Variants in CCDC91 observed in about 807,000 individuals in gnomAD.
The protein encoded by CCDC91 is coiled-coil domain-containing protein 91.
Under a neutral mutation model 63.2 loss-of-function variants are expected in CCDC91, and 48 were observed. That is an observed-to-expected ratio of 0.76 (90% CI 0.60 to 0.97). The LOEUF is 0.97. Among genes scored for constraint, CCDC91 ranks in the 50% least tolerant of loss-of-function variants. CCDC91 has a pLI of 0.00. For missense variants in CCDC91, 500 were observed against 494.6 expected (o/e 1.01, Z -0.10); for synonymous variants, 167 against 165.8 (o/e 1.01, Z -0.06).
intron 3 of CCDC91, among the ~76,000 whole-genome samples, chr12:28,276,405 C>T (rs184238354): frequency 1.3e-5 from 2 of 152,020 alleles, no homozygotes; most frequent in Non-Finnish European, 2.9e-5. Flanking sequence ...GTGAAATAAA[C>T]AGGCAATCAT....
chr12:28,505,448 A>G (rs1308941428), intron 12 of CCDC91: 2 of 151,956 alleles, frequency 1.3e-5, no homozygotes, highest in African/African-American at 4.8e-5. Flanking sequence ...TCGGAAGCTA[A>G]GGAGGGTCGG....
intron 6 of CCDC91, among the ~76,000 whole-genome samples, chr12:28,325,911 A>G (rs1940951647): frequency 6.6e-6 from 1 of 152,226 alleles, no homozygotes; most frequent in Admixed American, 6.5e-5. Context: ...TAATCAAATT[A>G]TGTTTAAACA....
chr12:28,196,086 CAG>C (rs949694128), intron 1 of CCDC91, among the ~76,000 whole-genome samples: 3 of 152,222 alleles, frequency 2.0e-5, no homozygotes, highest in African/African-American at 4.8e-5. Context: ...GCCTCTGCAA[CAG>C]AGAGAGCCTC....
chr12:28,459,919 C>T (rs1191787135), intron 11 of CCDC91, among the ~76,000 whole-genome samples: 1 of 152,110 alleles, frequency 6.6e-6, no homozygotes, highest in Non-Finnish European at 1.5e-5. Context: ...GCATCTATTC[C>T]TCTGTTCCCA....
In CCDC91 at chr12:28,506,827, A is replaced by G. The variant is rs149011535; in HGVS notation, c.1215+22662A>G. Among the ~76,000 whole-genome samples, 11 of 151,814 alleles carry G rather than the reference A, an allele frequency of 7.2e-5. No individual in the cohort carries two copies. The East Asian group carries it at 2.2e-3, about 30-fold the overall frequency. Reference sequence around the variant, plus strand: ...TTGACAGAGCTGTGTATTAGCATTGATGATAATATTTACTGAATCTGTCCT... The same window carrying G: ...TTGACAGAGCTGTGTATTAGCATTGGTGATAATATTTACTGAATCTGTCCT... On this transcript the variant is annotated intron_variant, in intron 12 of 12. Transcript: ENST00000536442.
chr12:28,310,084 C>T (rs1939162398), intron 6 of CCDC91, among the ~76,000 whole-genome samples: 1 of 152,004 alleles, frequency 6.6e-6, no homozygotes. Context: ...ATCATGCACC[C>T]TGCTCCCCAA....
At chr12:28,405,264 C>G (rs1946864419) in intron 8 of CCDC91, among the ~76,000 whole-genome samples, 1 of 152,022 alleles carries the variant, frequency 6.6e-6, no homozygotes, top group Non-Finnish European at 1.5e-5. Context: ...GATGTTATGC[C>G]ATTTCACAGG....
At chr12:28,335,962 C>A (rs1001489498) in intron 6 of CCDC91, among the ~76,000 whole-genome samples, 10 of 149,748 alleles carry the variant, frequency 6.7e-5, no homozygotes, top group East Asian at 2.0e-4. Context: ...TAAAAAAAAA[C>A]CACACAATTT....
chr12:28,197,258 A>C (rs2121341304), intron 1 of CCDC91, among the ~76,000 whole-genome samples: 1 of 152,236 alleles, frequency 6.6e-6, no homozygotes, highest in Admixed American at 6.5e-5. Flanking sequence ...TCAGAAACAG[A>C]GTTCCTTAGA....
At chr12:28,232,426 A>C (rs200020960) in intron 1 of CCDC91, among the ~76,000 whole-genome samples, 1 of 152,050 alleles carries the variant, frequency 6.6e-6, no homozygotes, top group East Asian at 1.9e-4. Context: ...GCTATTATGT[A>C]CTTGTGTGAT....
At chr12:28,332,942 G>A (rs1941628824) in intron 6 of CCDC91, among the ~76,000 whole-genome samples, 1 of 152,002 alleles carries the variant, frequency 6.6e-6, no homozygotes, top group East Asian at 1.9e-4. Context: ...ATTTTAAACA[G>A]TGAAATCACA....
intron 8 of CCDC91, among the ~76,000 whole-genome samples, chr12:28,399,426 T>C (rs1456654295): frequency 6.6e-6 from 1 of 152,118 alleles, no homozygotes; most frequent in African/African-American, 2.4e-5. Context: ...CAAGATGAGA[T>C]TTGGGTAGAG....
At chr12:28,497,329 A>G (rs1339724007) in intron 12 of CCDC91, among the ~76,000 whole-genome samples, 1 of 151,586 alleles carries the variant, frequency 6.6e-6, no homozygotes, top group Non-Finnish European at 1.5e-5. Flanking sequence ...GAGAAACTAG[A>G]CAGCAGAGTA....
intron 12 of CCDC91, among the ~76,000 whole-genome samples, chr12:28,509,732 C>G (rs1372665790): frequency 6.6e-6 from 1 of 151,780 alleles, no homozygotes; most frequent in African/African-American, 2.4e-5. Flanking sequence ...ATTTGTATTG[C>G]TCTTCAGCGC....
intron 1 of CCDC91, among the ~76,000 whole-genome samples, chr12:28,204,716 T>A (rs1942715535): frequency 6.6e-6 from 1 of 152,182 alleles, no homozygotes; most frequent in African/African-American, 2.4e-5. Context: ...GACAGGTGTC[T>A]CATGTTTGGG....
At chr12:28,520,486 G>T (rs374778162) in intron 12 of CCDC91, among the ~76,000 whole-genome samples, 1 of 151,844 alleles carries the variant, frequency 6.6e-6, no homozygotes, top group African/African-American at 2.4e-5. Context: ...TTGTCAGATG[G>T]GTAGATTGCA....
chr12:28,381,918 C>T (rs1311561061), intron 7 of CCDC91, among the ~76,000 whole-genome samples: 1 of 152,066 alleles, frequency 6.6e-6, no homozygotes, highest in African/African-American at 2.4e-5. Flanking sequence ...GGACCTCTGG[C>T]CCTGTATCTG....
intron 1 of CCDC91, among the ~76,000 whole-genome samples, chr12:28,216,462 C>T (rs921548154): frequency 2.8e-4 from 43 of 151,554 alleles, no homozygotes; most frequent in African/African-American, 7.5e-4. Flanking sequence ...GTTATGCTAC[C>T]GAGAAAGTTG....
At chr12:28,289,876 T>C (rs1478501259) in intron 3 of CCDC91, among the ~76,000 whole-genome samples, 1 of 151,694 alleles carries the variant, frequency 6.6e-6, no homozygotes, top group Non-Finnish European at 1.5e-5. Flanking sequence ...TATTTTTTAT[T>C]AGAGACAGGG....
Sources: allele counts gnomAD v4.1 joint callset (sites outside exome capture counted in the v4.1 genomes callset), GRCh38; gene constraint gnomAD v4.1.1; transcripts MANE v1.5; gene names NCBI Gene and HGNC (gene_info 2026-07-23, HGNC 2026-07-21).